CBLB: variants seen among roughly 807,000 people sequenced by gnomAD.
The protein encoded by CBLB is E3 ubiquitin-protein ligase CBL-B.
In CBLB, 31 loss-of-function variants were observed where a neutral mutation model predicts 104.9. The ratio of observed to expected loss-of-function variants is 0.30; its 90% confidence interval spans 0.22 to 0.40. The LOEUF is 0.40. Ranked by LOEUF, CBLB falls within the 10% of genes least tolerant of loss-of-function variation. The probability of loss-of-function intolerance (pLI) is 1.00; values close to 1 mark genes in which losing one functional copy is unlikely to be tolerated. For missense variants in CBLB, 1,062 were observed against 1,214.6 expected, an observed-to-expected ratio of 0.87 and a Z score of 1.87; for synonymous variants, 440 against 422.6, an observed-to-expected ratio of 1.04 and a Z score of -0.51.
intron 6 of CBLB, among the ~76,000 whole-genome samples, chr3:105,742,887 G>T (rs1375560218): frequency 6.7e-6 from 1 of 150,356 alleles, no homozygotes. Flanking sequence ...TTTAATTCAT[G>T]TCCTTCTCTG....
intron 6 of CBLB, among the ~76,000 whole-genome samples, chr3:105,742,986 T>C (rs563086123): frequency 6.6e-6 from 1 of 152,328 alleles, no homozygotes; most frequent in Admixed American, 6.5e-5. Context: ...GAGATAGTAA[T>C]ACCAGCAATC....
At chr3:105,856,048 CACTT>C (rs922605816) in intron 2 of CBLB, among the ~76,000 whole-genome samples, 5 of 151,940 alleles carry the variant, frequency 3.3e-5, no homozygotes, top group Non-Finnish European at 7.4e-5. Flanking sequence ...CACACTATCA[CACTT>C]ACTTTCTTAA....
At chr3:105,848,144 C>T (rs2090512330) in intron 3 of CBLB, among the ~76,000 whole-genome samples, 1 of 151,908 alleles carries the variant, frequency 6.6e-6, no homozygotes. Flanking sequence ...TGACATTGAA[C>T]TGTTTGCAGG....
chr3:105,824,876 A>G (rs1193231719), intron 3 of CBLB, among the ~76,000 whole-genome samples: 1 of 152,124 alleles, frequency 6.6e-6, no homozygotes, highest in Non-Finnish European at 1.5e-5. Flanking sequence ...ACCTACTAAA[A>G]GAAACATATC....
chr3:105,785,229 T>A (rs1002578151), intron 3 of CBLB, among the ~76,000 whole-genome samples: 2 of 152,222 alleles, frequency 1.3e-5, no homozygotes, highest in African/African-American at 4.8e-5. Flanking sequence ...ATTTTTAAAC[T>A]ATAAGGAATA....
chr3:105,758,487 T>C (rs1319816284), intron 4 of CBLB, among the ~76,000 whole-genome samples: 3 of 152,228 alleles, frequency 2.0e-5, no homozygotes, highest in African/African-American at 7.2e-5. Flanking sequence ...ACCTCTGTGA[T>C]TGGTTGCGCC....
chr3:105,777,081 G>A (rs578246585), intron 3 of CBLB, among the ~76,000 whole-genome samples: 1 of 152,306 alleles, frequency 6.6e-6, no homozygotes, highest in Non-Finnish European at 1.5e-5. Flanking sequence ...AAATGAAAAT[G>A]TATTGGTATT....
At chr3:105,720,879 C>T (rs2072719190) in intron 9 of CBLB, among the ~76,000 whole-genome samples, 1 of 152,128 alleles carries the variant, frequency 6.6e-6, no homozygotes, top group African/African-American at 2.4e-5. Context: ...TAAGTTTTGC[C>T]CTTATCTTGC....
intron 10 of CBLB, among the ~76,000 whole-genome samples, chr3:105,718,571 T>C (rs1399464737): frequency 1.3e-5 from 2 of 152,160 alleles, no homozygotes; most frequent in Non-Finnish European, 2.9e-5. Context: ...ATGAATACGG[T>C]GAATACAATC....
chr3:105,759,494 G>T (rs2077403531), intron 4 of CBLB, among the ~76,000 whole-genome samples: 1 of 152,202 alleles, frequency 6.6e-6, no homozygotes, highest in African/African-American at 2.4e-5. Flanking sequence ...TCTGTGGAGG[G>T]TCACCTGCAG....
chr3:105,685,391 C>G lies in CBLB; in HGVS notation c.2130G>C (p.Lys710Asn). Residue 710 changes from lysine (K) to asparagine (N), a missense_variant, in exon 14 of 19, where the codon AAG (lysine) becomes AAC (asparagine). Physicochemically the swap from Lys to Asn is moderately conservative, Grantham distance 94. This residue lies in a region of CBLB where 605 missense variants were observed against 582.6 expected (regional missense o/e 1.04). Transcript: ENST00000394030. ...GGGAAACAGGGTGGGATGAAGGAAT[C>G]TTGTATTCATCATCATCTTCCTCTA... is the stretch of plus-strand genomic sequence containing the variant. Reference protein sequence around the residue: ...DPVEEDDDEYKIPSSHPVSLN... With the variant: ...DPVEEDDDEYNIPSSHPVSLN... 6.2e-7 allele frequency: 1 copy of G among 1,611,302 alleles called. No individual in the cohort carries two copies. Among genetic ancestry groups the G allele is most frequent in the Non-Finnish European group, 8.5e-7 (1 of 1,177,552 alleles).
chr3:105,738,166 G>C (rs766264095), intron 7 of CBLB, among the ~76,000 whole-genome samples: 9 of 151,948 alleles, frequency 5.9e-5, no homozygotes, highest in Non-Finnish European at 1.0e-4. Flanking sequence ...AAAACAATAA[G>C]AATATAGTAC....
intron 6 of CBLB, among the ~76,000 whole-genome samples, chr3:105,743,073 G>T (rs772664460): frequency 3.9e-5 from 6 of 152,084 alleles, no homozygotes; most frequent in Non-Finnish European, 8.8e-5. Flanking sequence ...ATTTGCTGCT[G>T]ACCCTTTGGC....
intron 3 of CBLB, among the ~76,000 whole-genome samples, chr3:105,808,095 T>C (rs979536027): frequency 5.9e-5 from 9 of 152,226 alleles, no homozygotes; most frequent in African/African-American, 2.2e-4. Flanking sequence ...CTTAACTATT[T>C]AAGCTTCAGT....
chr3:105,764,368 G>A (rs892797300), intron 4 of CBLB, among the ~76,000 whole-genome samples: 1 of 152,190 alleles, frequency 6.6e-6, no homozygotes, highest in African/African-American at 2.4e-5. Flanking sequence ...CACAGGTCTA[G>A]CCAATTGCTG....
chr3:105,717,154 CTCCCAAGCAGTAAGG>C (rs1050925833), intron 10 of CBLB, among the ~76,000 whole-genome samples: 3 of 152,086 alleles, frequency 2.0e-5, no homozygotes, highest in Non-Finnish European at 4.4e-5. Flanking sequence ...ATACTGTTTT[CTCCCAAGCAGTAAGG>C]TATACAAAAA....
intron 3 of CBLB, among the ~76,000 whole-genome samples, chr3:105,841,147 T>A (rs1487526559): frequency 1.3e-5 from 2 of 151,632 alleles, no homozygotes; most frequent in African/African-American, 4.8e-5. Flanking sequence ...ACAAAAACAA[T>A]TAGCTCTGCA....
rs1391957667 is a variant in CBLB at position 105,679,381 on chromosome 3, T to TCTCAAAATA, written c.2429-819_2429-811dup. 4.8e-5 allele frequency among the ~76,000 whole-genome samples: 7 copies of TCTCAAAATA among 145,096 alleles called. No individual in the cohort carries two copies. The East Asian group carries it at 1.4e-3, about 30-fold the overall frequency. ...AAAAAAGCACATGTTTGGTAAGCTATCTCAAAATACTTTAGGAATGAGACA... is the reference window on the plus strand; with the variant it reads ...AAAAAAGCACATGTTTGGTAAGCTATCTCAAAATACTCAAAATACTTTAGGAATGAGACA... On this transcript the variant is annotated intron_variant, in intron 16 of 18. Coordinates refer to ENST00000394030, the MANE Select transcript of CBLB (RefSeq NM_170662.5).
chr3:105,741,095 G>GTTTGT (rs1560039252), intron 6 of CBLB, among the ~76,000 whole-genome samples: 2 of 108,180 alleles, frequency 1.8e-5, no homozygotes, highest in Non-Finnish European at 1.8e-5. Flanking sequence ...AAAAATTAGG[G>GTTTGT]TTTTTTTTTT....
Sources: gnomAD v4.1 joint callset for allele counts (sites outside exome capture counted in the v4.1 genomes callset) on GRCh38, gnomAD v4.1.1 for gene constraint, gnomAD v4.1.1 regional missense constraint, MANE v1.5 for transcripts, NCBI Gene and HGNC (gene_info 2026-07-23, HGNC 2026-07-21) for gene names.